Variants in SPOCK3 observed in about 807,000 individuals in gnomAD.
The protein encoded by SPOCK3 is SPARC (osteonectin), cwcv and kazal like domains proteoglycan 3.
Under a neutral mutation model 56.6 loss-of-function variants are expected in SPOCK3, and 30 were observed. The ratio of observed to expected loss-of-function variants is 0.53; its 90% CI spans 0.40 to 0.72. The LOEUF (loss-of-function observed/expected upper bound fraction) is 0.72, where lower values mean the gene tolerates loss of function less well. SPOCK3 is among the 30% of genes least tolerant of loss of function. SPOCK3 has a pLI of 0.00. For missense variants in SPOCK3, 527 were observed against 530.0 expected (o/e 0.99, Z 0.06); for synonymous variants, 196 against 183.3 (o/e 1.07, Z -0.56).
At chr4:166,792,432 A>T in intron 6 of SPOCK3, 143 bp from the exon 7 acceptor site, 4 of 729,862 alleles carry the variant, frequency 5.5e-6, no homozygotes, top group Non-Finnish European at 8.8e-6. Flanking sequence ...TCAAAGTTAA[A>T]TATATGCCTT....
intron 9 of SPOCK3, among the ~76,000 whole-genome samples, chr4:166,738,709 A>G (rs1734507962): frequency 7.0e-6 from 1 of 143,736 alleles, no homozygotes; most frequent in South Asian, 2.2e-4. Context: ...TATGAGTGAG[A>G]ACATGCGGTG....
rs1033878587 is a variant in SPOCK3, at chr4:166,917,001, C to T, written c.351-4258G>A. On this transcript the variant is annotated intron_variant, in intron 4 of 10. Transcript: ENST00000357545. ...ATGTTAAAAGAGAGAGCTAGAAATG[C>T]TGAAGTTGCAATGCTGGGCTGTCTC... 7.2e-5 allele frequency among the ~76,000 whole-genome samples: 11 copies of T among 152,182 alleles called. No individual in the cohort carries two copies. The East Asian group carries it at 2.1e-3, about 29-fold the overall frequency.
intron 4 of SPOCK3, among the ~76,000 whole-genome samples, chr4:166,967,316 A>G (rs1330202019): frequency 6.6e-6 from 1 of 152,158 alleles, no homozygotes; most frequent in Non-Finnish European, 1.5e-5. Flanking sequence ...TGTTTCATAC[A>G]TTGTGCCCAT....
At chr4:166,796,085 G>C (rs1035906862) in intron 6 of SPOCK3, among the ~76,000 whole-genome samples, 3 of 152,130 alleles carry the variant, frequency 2.0e-5, no homozygotes, top group Non-Finnish European at 4.4e-5. Context: ...CGGGACCTGG[G>C]CTTTGATCAG....
chr4:166,746,549 A>T (rs1735639021), intron 8 of SPOCK3, among the ~76,000 whole-genome samples: 1 of 152,192 alleles, frequency 6.6e-6, no homozygotes, highest in South Asian at 2.1e-4. Context: ...TCTAAAATTG[A>T]CACCCTAACA....
chr4:167,201,574 C>T (rs1213667905), intron 2 of SPOCK3, among the ~76,000 whole-genome samples: 3 of 151,852 alleles, frequency 2.0e-5, no homozygotes, highest in Non-Finnish European at 4.4e-5. Flanking sequence ...TAATAAAATG[C>T]TTGTATAAAT....
chr4:166,790,543 G>A (rs904715259), intron 7 of SPOCK3, among the ~76,000 whole-genome samples: 4 of 151,922 alleles, frequency 2.6e-5, no homozygotes, highest in African/African-American at 7.3e-5. Context: ...CACTTTTTCC[G>A]ATCCTGTCCA....
intron 2 of SPOCK3, among the ~76,000 whole-genome samples, chr4:167,077,793 T>C (rs1043623893): frequency 6.6e-6 from 1 of 151,906 alleles, no homozygotes; most frequent in Non-Finnish European, 1.5e-5. Flanking sequence ...TTTAATTTCA[T>C]TATTTATTGC....
chr4:167,005,927 A>AT (rs34307912), intron 3 of SPOCK3, among the ~76,000 whole-genome samples: 6 of 152,042 alleles, frequency 3.9e-5, no homozygotes, highest in East Asian at 3.9e-4. Context: ...CAGAATTATA[A>AT]TTTTTTTTAC....
At chr4:166,808,470 C>T (rs1269699263) in intron 6 of SPOCK3, among the ~76,000 whole-genome samples, 1 of 151,918 alleles carries the variant, frequency 6.6e-6, no homozygotes, top group African/African-American at 2.4e-5. Flanking sequence ...CTCTCTCTCT[C>T]TGCCATGTGA....
intron 2 of SPOCK3, among the ~76,000 whole-genome samples, chr4:167,199,434 A>G (rs1338075928): frequency 6.6e-6 from 1 of 151,888 alleles, no homozygotes; most frequent in African/African-American, 2.4e-5. Flanking sequence ...CCCATATTCA[A>G]ATACTAGTCA....
intron 4 of SPOCK3, among the ~76,000 whole-genome samples, chr4:166,940,869 A>C (rs917649633): frequency 1.3e-4 from 19 of 148,560 alleles, no homozygotes; most frequent in African/African-American, 4.5e-4. Flanking sequence ...TGAAGAACGT[A>C]AGACCCTGTT....
intron 2 of SPOCK3, among the ~76,000 whole-genome samples, chr4:167,213,982 T>A (rs1735126231): frequency 1.3e-5 from 2 of 152,158 alleles, no homozygotes; most frequent in Non-Finnish European, 2.9e-5. Flanking sequence ...TGAAACACTA[T>A]AATCCTGTAC....
intron 6 of SPOCK3, among the ~76,000 whole-genome samples, chr4:166,852,372 G>T (rs565364712): frequency 6.6e-6 from 1 of 152,182 alleles, no homozygotes; most frequent in Non-Finnish European, 1.5e-5. Flanking sequence ...GAGAAACCTT[G>T]AAAACTGAGG....
chr4:167,051,861 C>T (rs532436960), intron 3 of SPOCK3, among the ~76,000 whole-genome samples: 218 of 152,276 alleles, frequency 1.4e-3, no homozygotes, highest in African/African-American at 2.4e-3. Context: ...AAGTCAGGGT[C>T]GGCTTGTGAA....
At chr4:166,955,895 T>C (rs1443309409) in intron 4 of SPOCK3, among the ~76,000 whole-genome samples, 1 of 151,818 alleles carries the variant, frequency 6.6e-6, no homozygotes, top group Non-Finnish European at 1.5e-5. Flanking sequence ...TGGAAAGCGT[T>C]CATTTTTGAA....
rs567310470 is a variant in SPOCK3 at position 166,768,457 on chromosome 4, G to T, written c.710-13728C>A. ...CTCCTTCACTTATGAAGCTAGTTTGGCTGGATATGAAATTCTGGGTTGAAA... is the reference window on the plus strand; with the variant it reads ...CTCCTTCACTTATGAAGCTAGTTTGTCTGGATATGAAATTCTGGGTTGAAA... On this transcript the variant is annotated intron_variant, in intron 7 of 10. Coordinates refer to ENST00000357545, the MANE Select transcript of SPOCK3 (RefSeq NM_001040159.2). Among the ~76,000 whole-genome samples the T allele has an allele frequency of 2.6e-5, 4 of 152,232 alleles. 1 individual carries two copies. The highest frequency in any genetic ancestry group is 9.6e-5 in the African/African-American group (4 of 41,530).
chr4:166,884,245 C>T (rs540334736), intron 6 of SPOCK3, among the ~76,000 whole-genome samples: 30 of 151,614 alleles, frequency 2.0e-4, no homozygotes, highest in Admixed American at 4.6e-4. Context: ...CCCAGCTACT[C>T]GGGAGGCTGA....
At chr4:167,145,350 G>A (rs1215583501) in intron 2 of SPOCK3, among the ~76,000 whole-genome samples, 2 of 152,064 alleles carry the variant, frequency 1.3e-5, no homozygotes, top group East Asian at 1.9e-4. Flanking sequence ...GTACCATTAA[G>A]CTGTTAGATA....
Sources: gnomAD v4.1 joint callset for allele counts (sites outside exome capture counted in the v4.1 genomes callset) on GRCh38, gnomAD v4.1.1 for gene constraint, MANE v1.5 for transcripts, NCBI Gene and HGNC (gene_info 2026-07-23, HGNC 2026-07-21) for gene names.